Variants in HEPH observed in about 807,000 individuals in gnomAD.
The protein encoded by HEPH is hephaestin.
HEPH carries 69 observed loss-of-function variants against 80.8 expected under a neutral mutation model. That is an observed-to-expected ratio of 0.85 (90% confidence interval 0.70 to 1.04). The LOEUF is 1.04. Among genes scored for constraint, HEPH ranks in the 50% least tolerant of loss-of-function variants. The pLI is 0.00. For missense variants in HEPH, 1,115 were observed against 891.3 expected, an observed-to-expected ratio of 1.25 and a Z score of -3.20; for synonymous variants, 431 against 322.8, an observed-to-expected ratio of 1.34 and a Z score of -3.60.
intron 15 of HEPH, among the ~76,000 whole-genome samples, chrX:66,254,153 G>T (rs1317604523): frequency 1.8e-5 from 2 of 111,590 alleles, no homozygotes; most frequent in Non-Finnish European, 3.8e-5. Context: ...AAGATGAATT[G>T]GAGGGGGCAA....
intron 15 of HEPH, among the ~76,000 whole-genome samples, chrX:66,251,681 C>T (rs758080594): frequency 2.2e-4 from 25 of 111,388 alleles, no homozygotes; most frequent in Non-Finnish European, 4.3e-4. Context: ...GCATAGAAAT[C>T]AGCCATATTA....
intron 2 of HEPH, chrX:66,171,197 G>A: frequency 3.4e-6 from 1 of 291,910 alleles, no homozygotes; most frequent in Non-Finnish European, 6.5e-6. Context: ...TCTCACTTAT[G>A]TAATACTCTG....
intron 2 of HEPH, 72 bp from the exon 3 acceptor site, chrX:66,172,283 T>G (rs1425437948): frequency 9.5e-6 from 10 of 1,048,971 alleles, no homozygotes; most frequent in Middle Eastern, 6.0e-4. Context: ...TTGGTCAGTA[T>G]CCTCTGGAAA....
intron 20 of HEPH, among the ~76,000 whole-genome samples, chrX:66,265,583 G>T (rs1257425483): frequency 9.0e-6 from 1 of 110,965 alleles, no homozygotes; most frequent in Non-Finnish European, 1.9e-5. Context: ...CAAGGTACAG[G>T]CGCTTGGAAA....
At chrX:66,171,000 GCTTA>G (rs2086572664) in intron 2 of HEPH, 1 of 331,503 alleles carries the variant, frequency 3.0e-6, no homozygotes, top group African/African-American at 2.6e-5. Context: ...TACCCACAAT[GCTTA>G]CTTATTTAAT....
intron 4 of HEPH, among the ~76,000 whole-genome samples, chrX:66,187,730 G>T (rs1022956555): frequency 3.6e-5 from 4 of 111,311 alleles, no homozygotes; most frequent in African/African-American, 9.8e-5. Flanking sequence ...CATGAAGGGT[G>T]CTGGAGCCAA....
intron 14 of HEPH, 82 bp from the exon 15 acceptor site, chrX:66,208,033 C>T (rs2088886978): frequency 1.4e-6 from 1 of 697,580 alleles, no homozygotes; most frequent in Non-Finnish European, 2.1e-6. Flanking sequence ...ATGAAGTGCT[C>T]ATATATGTCC....
intron 15 of HEPH, among the ~76,000 whole-genome samples, chrX:66,252,971 C>G (rs1194651955): frequency 8.9e-6 from 1 of 112,004 alleles, no homozygotes; most frequent in Non-Finnish European, 1.9e-5. Context: ...GGTCAAAGAC[C>G]TAAATATAAA....
In HEPH at chrX:66,266,548, C is replaced by T. The variant is rs1405201032; in HGVS notation, c.3353C>T (p.Thr1118Ile). Residue 1118 changes from threonine (T) to isoleucine (I), a missense_variant, in exon 21 of 21, where the codon ACC becomes ATC. Physicochemically the swap from Thr to Ile is moderately conservative, Grantham distance 89. This residue lies in a region of HEPH where 716 missense variants were observed against 523.5 expected (regional missense o/e 1.37). Coordinates refer to ENST00000343002, the MANE Select transcript of HEPH (RefSeq NM_001367233.3). ...TCTGTTTTGGTTGCCATTAGTGTCACCCTTCTGCTCGTTGTTCTGGCTCTT... is the reference window on the plus strand; with the variant it reads ...TCTGTTTTGGTTGCCATTAGTGTCATCCTTCTGCTCGTTGTTCTGGCTCTT... ...LASVLVAISV[T>I]LLLVVLALGG... The T allele has an allele frequency of 3.3e-6, 4 of 1,207,050 alleles. No individual in the cohort carries two copies. Among genetic ancestry groups the T allele is most frequent in the Admixed American group, 4.4e-5 (2 of 45,531 alleles).
intron 15 of HEPH, among the ~76,000 whole-genome samples, chrX:66,228,467 C>T (rs753289041): frequency 1.8e-5 from 2 of 112,972 alleles, no homozygotes; most frequent in South Asian, 3.6e-4. Context: ...TAGACATTGG[C>T]TTGTGCCAAG....
intron 8 of HEPH, 120 bp downstream of exon 8, chrX:66,193,758 G>A: frequency 2.2e-6 from 1 of 451,494 alleles, no homozygotes; most frequent in Admixed American, 4.6e-5. Context: ...CCCAAAGTGA[G>A]TCTTATGAGA....
In HEPH at chrX:66,231,598, G is replaced by A. The variant is rs1282258391; in HGVS notation, c.2563+23352G>A. On this transcript the variant is annotated intron_variant, in intron 15 of 20. Coordinates refer to ENST00000343002, the MANE Select transcript of HEPH (RefSeq NM_001367233.3). ...CTGTTTGTCTGTTGTTGGTGTATAA[G>A]AATGTTTGTGATTTTTGTACATTGA... Among the ~76,000 whole-genome samples, 11 of 109,678 alleles carry A rather than the reference G, an allele frequency of 1.0e-4. 1 individual carries two copies. The highest frequency in any genetic ancestry group is 2.1e-4 in the Non-Finnish European group (11 of 52,603).
chrX:66,231,711 T>A, intron 15 of HEPH, among the ~76,000 whole-genome samples: 1 of 109,376 alleles, frequency 9.1e-6, no homozygotes, highest in Non-Finnish European at 1.9e-5. Context: ...TATACAATCA[T>A]GTCTTCTGCA....
Position 66,170,606 on chromosome X carries a change from C to T in HEPH, c.36C>T (p.Phe12=), listed in dbSNP as rs1473024099. 1 of 1,210,762 alleles carries T rather than the reference C, an allele frequency of 8.3e-7. No homozygotes were observed. Among genetic ancestry groups the T allele is most frequent in the Non-Finnish European group, 1.1e-6 (1 of 894,948 alleles). The stretch of plus-strand genomic sequence containing the variant: ...GCCACCTCCTCTGGGCTCTGCTGTT[C>T]ATGCAGTCCTTGTGGCCTCAACTGA... ...ESGHLLWALL[F]MQSLWPQLTD... The change falls in exon 2 of 21, where the codon TTC becomes TTT. Residue 12 remains phenylalanine (F), a synonymous_variant. Coordinates refer to ENST00000343002, the MANE Select transcript of HEPH (RefSeq NM_001367233.3).
intron 4 of HEPH, among the ~76,000 whole-genome samples, chrX:66,186,444 C>T (rs894340052): frequency 4.5e-5 from 5 of 112,142 alleles, no homozygotes; most frequent in African/African-American, 6.5e-5. Flanking sequence ...GCGCAATATT[C>T]GGGTGGGAGT....
At position 66,164,252 on chromosome X, in the gene HEPH, A is replaced by G; in HGVS notation, c.-232A>G. 1 of 753,768 alleles carries G rather than the reference A, an allele frequency of 1.3e-6. No homozygotes were observed. The highest frequency in any genetic ancestry group is 1.6e-6 in the Non-Finnish European group (1 of 638,986). The allele number at this position is 753,768 out of a possible 1,213,427, so 62.1% of individuals were successfully genotyped here. On this transcript the variant is annotated 5_prime_UTR_variant, in exon 1 of 21. Coordinates refer to ENST00000343002, the MANE Select transcript of HEPH (RefSeq NM_001367233.3). ...AGGCCCCAGAGGAACAGGACATTCCAGTAGTTTTGTTTCTGGAAAAGAGGG... is the reference window on the plus strand; with the variant it reads ...AGGCCCCAGAGGAACAGGACATTCCGGTAGTTTTGTTTCTGGAAAAGAGGG...
intron 15 of HEPH, among the ~76,000 whole-genome samples, chrX:66,227,743 C>G (rs76991393): frequency 2.7e-5 from 3 of 111,329 alleles, no homozygotes; most frequent in Admixed American, 9.5e-5. Flanking sequence ...CTATTCTGTT[C>G]CATTGCTCTA....
At chrX:66,245,262 T>C (rs1237472503) in intron 15 of HEPH, among the ~76,000 whole-genome samples, 2 of 110,305 alleles carry the variant, frequency 1.8e-5, no homozygotes, top group Non-Finnish European at 3.8e-5. Context: ...ACACATAGGC[T>C]CAAAATAAAG....
At chrX:66,253,466 C>A (rs1306702342) in intron 15 of HEPH, among the ~76,000 whole-genome samples, 1 of 112,303 alleles carries the variant, frequency 8.9e-6, no homozygotes, top group Non-Finnish European at 1.9e-5. Context: ...CAGACAATAA[C>A]TAATTTTCAT....
Sources: allele counts gnomAD v4.1 joint callset (sites outside exome capture counted in the v4.1 genomes callset), GRCh38; gene constraint gnomAD v4.1.1; regional missense constraint gnomAD v4.1.1; transcripts MANE v1.5; gene names NCBI Gene and HGNC (gene_info 2026-07-23, HGNC 2026-07-21).